The following MOB3B variants were observed in gnomAD, a reference collection of about 807,000 sequenced individuals.
MOB3B encodes the protein MOB kinase activator 3B.
A neutral mutation model predicts 18.7 loss-of-function variants in MOB3B; 7 were observed. The ratio of observed to expected loss-of-function variants is 0.37; its 90% CI spans 0.21 to 0.70. The LOEUF is 0.70. MOB3B is among the 30% of genes least tolerant of loss of function. MOB3B has a pLI of 0.52. For synonymous variants in MOB3B, 111 were observed against 99.9 expected, an observed-to-expected ratio of 1.11 and a Z score of -0.66; for missense variants, 253 against 281.3, an observed-to-expected ratio of 0.90 and a Z score of 0.72.
chr9:27,409,033 T>G (rs1822025957), intron 2 of MOB3B, among the ~76,000 whole-genome samples: 1 of 152,228 alleles, frequency 6.6e-6, no homozygotes, highest in African/African-American at 2.4e-5. Context: ...TGGGTGGTAT[T>G]GCATATAATC....
chr9:27,353,094 AGAG>A (rs1294185426), intron 3 of MOB3B, among the ~76,000 whole-genome samples: 3 of 152,196 alleles, frequency 2.0e-5, no homozygotes, highest in South Asian at 2.1e-4. Context: ...TCCCAATCCT[AGAG>A]GAGAAGAGAT....
At chr9:27,493,080 T>G (rs1324006659) in intron 1 of MOB3B, among the ~76,000 whole-genome samples, 1 of 152,216 alleles carries the variant, frequency 6.6e-6, no homozygotes, top group Non-Finnish European at 1.5e-5. Flanking sequence ...CAGTACACCT[T>G]GATCAAGAGT....
intron 2 of MOB3B, 46 bp from the exon 3 acceptor site, chr9:27,359,282 A>G: frequency 6.5e-7 from 1 of 1,535,700 alleles, no homozygotes; most frequent in Non-Finnish European, 9.0e-7. Flanking sequence ...GATGGGATAG[A>G]TCCTTTTCCT....
chr9:27,500,920 C>T (rs887630178), intron 1 of MOB3B, among the ~76,000 whole-genome samples: 14 of 151,964 alleles, frequency 9.2e-5, no homozygotes, highest in South Asian at 2.1e-4. Flanking sequence ...CAAACAACCC[C>T]ATCAAAAAGT....
At chr9:27,412,081 G>A (rs1430058677) in intron 2 of MOB3B, among the ~76,000 whole-genome samples, 12 of 149,614 alleles carry the variant, frequency 8.0e-5, no homozygotes, top group African/African-American at 2.0e-4. Flanking sequence ...AAGGAGAAAC[G>A]AAATAATTCA....
At chr9:27,471,104 GT>G (rs754662129) in intron 1 of MOB3B, among the ~76,000 whole-genome samples, 1 of 152,082 alleles carries the variant, frequency 6.6e-6, no homozygotes, top group Non-Finnish European at 1.5e-5. Context: ...TGCACCTGGG[GT>G]GCAAGTTTAA....
chr9:27,479,162 TG>T (rs1173886338), intron 1 of MOB3B, among the ~76,000 whole-genome samples: 2 of 152,140 alleles, frequency 1.3e-5, no homozygotes, highest in East Asian at 1.9e-4. Flanking sequence ...GTCTGGAGGC[TG>T]GGAAGTCCAA....
chr9:27,516,128 G>T (rs1173720044), intron 1 of MOB3B, among the ~76,000 whole-genome samples: 1 of 152,206 alleles, frequency 6.6e-6, no homozygotes, highest in Non-Finnish European at 1.5e-5. Context: ...GGCAAGGAAG[G>T]ATTCTTGTTT....
At chr9:27,524,150 T>TA (rs3081119) in intron 1 of MOB3B, among the ~76,000 whole-genome samples, 15,352 of 90,202 alleles carry the variant, frequency 0.17, 1,596 homozygotes, top group East Asian at 0.25. Flanking sequence ...TCACCCGAAG[T>TA]AAAAAAAAAA....
chr9:27,482,909 G>A (rs965726205), intron 1 of MOB3B, among the ~76,000 whole-genome samples: 4 of 152,144 alleles, frequency 2.6e-5, no homozygotes, highest in African/African-American at 9.7e-5. Flanking sequence ...CCAGGATAAG[G>A]ACTGGACTCT....
At chr9:27,469,803 G>A (rs925998033) in intron 1 of MOB3B, among the ~76,000 whole-genome samples, 1 of 151,712 alleles carries the variant, frequency 6.6e-6, no homozygotes, top group Non-Finnish European at 1.5e-5. Flanking sequence ...CTCCCTTTTC[G>A]TGCCAGGCGT....
At chr9:27,502,986 A>G (rs1320147590) in intron 1 of MOB3B, among the ~76,000 whole-genome samples, 1 of 152,138 alleles carries the variant, frequency 6.6e-6, no homozygotes, top group Non-Finnish European at 1.5e-5. Flanking sequence ...AGATCTGCAG[A>G]CCCTTTTTCT....
intron 1 of MOB3B, among the ~76,000 whole-genome samples, chr9:27,479,552 T>C (rs1032621126): frequency 6.6e-6 from 1 of 151,910 alleles, no homozygotes; most frequent in African/African-American, 2.4e-5. Flanking sequence ...AACTTCGATA[T>C]GAAGGAAACT....
chr9:27,331,760 A>G (rs902393762), intron 3 of MOB3B, among the ~76,000 whole-genome samples: 22 of 152,176 alleles, frequency 1.4e-4, no homozygotes, highest in African/African-American at 5.3e-4. Flanking sequence ...TGCAGAGCTG[A>G]CTGCAGCTAC....
chr9:27,404,691 G>C (rs1821940321), intron 2 of MOB3B, among the ~76,000 whole-genome samples: 1 of 152,042 alleles, frequency 6.6e-6, no homozygotes, highest in African/African-American at 2.4e-5. Flanking sequence ...ACTCATCTTA[G>C]GTTGACTCCA....
intron 1 of MOB3B, among the ~76,000 whole-genome samples, chr9:27,506,782 G>A (rs887769891): frequency 4.0e-5 from 6 of 151,014 alleles, no homozygotes; most frequent in Admixed American, 6.6e-5. Flanking sequence ...CGCCAGCCTC[G>A]GCCTCCCAAA....
At chr9:27,415,015 C>T (rs1326927996) in intron 2 of MOB3B, among the ~76,000 whole-genome samples, 3 of 152,104 alleles carry the variant, frequency 2.0e-5, no homozygotes, top group East Asian at 3.9e-4. Flanking sequence ...GTGTGCACCA[C>T]CATGCCTGGC....
At chr9:27,372,379 G>GA (rs1420263437) in intron 2 of MOB3B, among the ~76,000 whole-genome samples, 2 of 152,186 alleles carry the variant, frequency 1.3e-5, no homozygotes, top group Non-Finnish European at 2.9e-5. Context: ...ATAGGGAAAA[G>GA]AAAAATCTCC....
At chr9:27,402,810 G>A (rs1282450495) in intron 2 of MOB3B, among the ~76,000 whole-genome samples, 1 of 152,218 alleles carries the variant, frequency 6.6e-6, no homozygotes, top group Non-Finnish European at 1.5e-5. Flanking sequence ...AGCCTGCCAA[G>A]CCAGGAAAAT....
Sources: gnomAD v4.1 joint callset for allele counts (sites outside exome capture counted in the v4.1 genomes callset) on GRCh38, gnomAD v4.1.1 for gene constraint, MANE v1.5 for transcripts, NCBI Gene and HGNC (gene_info 2026-07-23, HGNC 2026-07-21) for gene names.